DCC: variants seen among roughly 807,000 people sequenced by gnomAD.
The protein encoded by DCC is netrin receptor DCC.
A neutral mutation model predicts 172.5 loss-of-function variants in DCC; 58 were observed. The ratio of observed to expected loss-of-function variants is 0.34; its 90% confidence interval spans 0.27 to 0.42. The LOEUF (loss-of-function observed/expected upper bound fraction) is 0.42, where lower values mean the gene tolerates loss of function less well. Among genes scored for constraint, DCC ranks in the 10% least tolerant of loss-of-function variants. The pLI is 1.00. For synonymous variants in DCC, 709 were observed against 644.5 expected (o/e 1.10, Z -1.52); for missense variants, 1,740 against 1,791.0 (o/e 0.97, Z 0.51).
chr18:53,080,576 T>C (rs1248301561), intron 7 of DCC, among the ~76,000 whole-genome samples: 1 of 152,104 alleles, frequency 6.6e-6, no homozygotes, highest in African/African-American at 2.4e-5. Flanking sequence ...TAGGCAAAAC[T>C]AGTAGGCTTA....
chr18:52,777,770 G>GGGAAAAA (rs369140038), intron 2 of DCC, among the ~76,000 whole-genome samples: 101 of 138,796 alleles, frequency 7.3e-4, no homozygotes, highest in African/African-American at 2.4e-3. Context: ...GATCTCCAGG[G>GGGAAAAA]AAAAAAAAAG....
In DCC at chr18:53,258,190, GT is replaced by G. The variant is rs1309452498; in HGVS notation, c.1911+42599del. On this transcript the variant is annotated intron_variant, in intron 12 of 28. Transcript: ENST00000442544. ...CCTGGAATCATTGATTTTTTGAAGG[GT>G]TTTTTGTGTCTCTATTTCCTTCAGT... Among the ~76,000 whole-genome samples, 4 of 152,016 alleles carry G rather than the reference GT, an allele frequency of 2.6e-5. No individual in the cohort carries two copies. The East Asian group carries it at 7.7e-4, about 29-fold the overall frequency.
intron 1 of DCC, among the ~76,000 whole-genome samples, chr18:52,430,353 GA>G (rs72318130): frequency 0.32 from 47,829 of 150,796 alleles, 8,237 homozygotes; most frequent in East Asian, 0.64. Context: ...TGGTGAGGGA[GA>G]AAAAAAAAGA....
At chr18:53,411,978 C>T (rs190362232) in intron 20 of DCC, among the ~76,000 whole-genome samples, 231 of 152,196 alleles carry the variant, frequency 1.5e-3, no homozygotes, top group Non-Finnish European at 2.3e-3. Context: ...ATAATGTTTG[C>T]CAACTGAGAG....
At chr18:53,524,211 T>C (rs1302332536) in intron 27 of DCC, among the ~76,000 whole-genome samples, 1 of 151,990 alleles carries the variant, frequency 6.6e-6, no homozygotes, top group Non-Finnish European at 1.5e-5. Flanking sequence ...CTATAATGTA[T>C]ATACATGTAT....
intron 2 of DCC, among the ~76,000 whole-genome samples, chr18:52,852,927 A>G (rs1010832023): frequency 6.6e-6 from 1 of 152,178 alleles, no homozygotes; most frequent in Non-Finnish European, 1.5e-5. Flanking sequence ...CTAATAAGTA[A>G]GTGATTATAG....
At chr18:53,289,034 T>C (rs998374213) in intron 12 of DCC, among the ~76,000 whole-genome samples, 2 of 152,174 alleles carry the variant, frequency 1.3e-5, no homozygotes, top group Non-Finnish European at 2.9e-5. Flanking sequence ...TAAACACTGA[T>C]AGAATCCTTG....
At chr18:52,619,605 T>C (rs1376306217) in intron 1 of DCC, among the ~76,000 whole-genome samples, 2 of 152,256 alleles carry the variant, frequency 1.3e-5, no homozygotes, top group African/African-American at 2.4e-5. Context: ...ATTGTACTTA[T>C]ATTTTACCAA....
chr18:53,515,237 C>G, intron 27 of DCC, among the ~76,000 whole-genome samples: 1 of 152,016 alleles, frequency 6.6e-6, no homozygotes, highest in South Asian at 2.1e-4. Context: ...AAGCCTTTGA[C>G]AAAATTCAAC....
At chr18:53,145,189 A>C (rs1285366502) in intron 7 of DCC, among the ~76,000 whole-genome samples, 1 of 130,576 alleles carries the variant, frequency 7.7e-6, no homozygotes. Context: ...ATCTCGGCTC[A>C]CTGCAAGCTC....
At chr18:53,309,912 A>G (rs1287311510) in intron 13 of DCC, among the ~76,000 whole-genome samples, 1 of 133,904 alleles carries the variant, frequency 7.5e-6, no homozygotes, top group African/African-American at 2.8e-5. Flanking sequence ...CTGCAAACAT[A>G]TATGTGCGTG....
intron 1 of DCC, among the ~76,000 whole-genome samples, chr18:52,476,100 C>G (rs763019840): frequency 6.6e-6 from 1 of 152,176 alleles, no homozygotes; most frequent in Non-Finnish European, 1.5e-5. Flanking sequence ...CAAAAATCAG[C>G]TTCTTTACCT....
At chr18:53,201,350 A>G (rs35520310) in intron 9 of DCC, among the ~76,000 whole-genome samples, 17,078 of 152,180 alleles carry the variant, frequency 0.11, 1,408 homozygotes, top group African/African-American at 0.23. Flanking sequence ...AACACATTCA[A>G]TGAGTACTTT....
At chr18:52,589,707 G>A (rs894869175) in intron 1 of DCC, among the ~76,000 whole-genome samples, 3 of 152,118 alleles carry the variant, frequency 2.0e-5, no homozygotes, top group Non-Finnish European at 4.4e-5. Context: ...TCTGTTTATA[G>A]TGCCAATCAA....
At chr18:53,045,715 G>A (rs2042229101) in intron 5 of DCC, among the ~76,000 whole-genome samples, 1 of 151,886 alleles carries the variant, frequency 6.6e-6, no homozygotes, top group South Asian at 2.1e-4. Flanking sequence ...TTTTGTAAAA[G>A]TCTAATGTAT....
chr18:52,917,154 G>C (rs916344041), intron 3 of DCC, among the ~76,000 whole-genome samples: 2,133 of 138,630 alleles, frequency 0.015, 44 homozygotes, highest in African/African-American at 0.054. Flanking sequence ...AAAAAAACAA[G>C]AAAAAAATAA....
At chr18:52,523,609 C>T (rs1381972569) in intron 1 of DCC, among the ~76,000 whole-genome samples, 1 of 152,162 alleles carries the variant, frequency 6.6e-6, no homozygotes, top group African/African-American at 2.4e-5. Context: ...ATTAACTCTA[C>T]ATTGTGAATG....
intron 9 of DCC, among the ~76,000 whole-genome samples, chr18:53,189,179 ATGTG>A (rs957479719): frequency 6.6e-6 from 1 of 152,024 alleles, no homozygotes; most frequent in Admixed American, 6.6e-5. Context: ...ATGTATATAT[ATGTG>A]TGTGTGTATA....
intron 2 of DCC, among the ~76,000 whole-genome samples, chr18:52,859,811 G>A (rs2039111314): frequency 6.6e-6 from 1 of 152,102 alleles, no homozygotes; most frequent in African/African-American, 2.4e-5. Context: ...GTTTATTTCA[G>A]TTCCTACTTT....
Sources: gnomAD v4.1 joint callset for allele counts (sites outside exome capture counted in the v4.1 genomes callset) on GRCh38, gnomAD v4.1.1 for gene constraint, MANE v1.5 for transcripts, NCBI Gene and HGNC (gene_info 2026-07-23, HGNC 2026-07-21) for gene names.